Variants in DTNB observed in about 807,000 individuals in gnomAD.
DTNB encodes DTN-B.
A neutral mutation model predicts 90.7 loss-of-function variants in DTNB; 63 were observed. The ratio of observed to expected loss-of-function variants is 0.69; its 90% confidence interval spans 0.57 to 0.86. The LOEUF (loss-of-function observed/expected upper bound fraction) is 0.86. Among genes scored for constraint, DTNB ranks in the 40% least tolerant of loss-of-function variants. The pLI is 0.00. For missense variants in DTNB, 744 were observed against 807.1 expected (o/e 0.92, Z 0.95); for synonymous variants, 277 against 286.7 (o/e 0.97, Z 0.34).
At chr2:25,479,459 T>C (rs1416315167) in intron 10 of DTNB, among the ~76,000 whole-genome samples, 1 of 152,244 alleles carries the variant, frequency 6.6e-6, no homozygotes, top group Non-Finnish European at 1.5e-5. Flanking sequence ...ATGTACTATG[T>C]GGACGCTTTT....
chr2:25,454,799 A>G (rs1425520240), intron 11 of DTNB, among the ~76,000 whole-genome samples: 1 of 152,208 alleles, frequency 6.6e-6, no homozygotes, highest in Non-Finnish European at 1.5e-5. Flanking sequence ...GGTAAGGGGA[A>G]TGTGGAGCTA....
intron 3 of DTNB, among the ~76,000 whole-genome samples, chr2:25,631,923 A>G (rs2075835074): frequency 6.6e-6 from 1 of 152,164 alleles, no homozygotes; most frequent in East Asian, 1.9e-4. Context: ...GGCCGGGCAC[A>G]GTGGCTCAAG....
chr2:25,447,651 T>G (rs2058626823), intron 12 of DTNB, among the ~76,000 whole-genome samples: 1 of 151,800 alleles, frequency 6.6e-6, no homozygotes, highest in Non-Finnish European at 1.5e-5. Context: ...ATTACAGGCG[T>G]ATGCCACCAC....
At chr2:25,535,391 C>G (rs775516553) in intron 8 of DTNB, among the ~76,000 whole-genome samples, 1 of 137,228 alleles carries the variant, frequency 7.3e-6, no homozygotes, top group African/African-American at 2.9e-5. Context: ...GGAGGCCGCG[C>G]AGAGGTGCTC....
Position 25,652,623 on chromosome 2 carries a change from G to A in DTNB, c.38C>T (p.Ala13Val), listed in dbSNP as rs767699671. ...TTCTATGAACAGCTGCCTCTTCTCT[G>A]CCATGGTCTTCCGCTTGTTCCCACT... The part of the protein sequence containing the change: ...EESGNKRKTM[A>V]EKRQLFIEMR... The change falls in exon 2 of 21, where the codon GCA becomes GTA. Residue 13 changes from alanine to valine, a missense_variant. Coordinates refer to ENST00000406818, the MANE Select transcript of DTNB (RefSeq NM_021907.5). The A allele has an allele frequency of 3.7e-6, 6 of 1,611,614 alleles. No individual in the cohort carries two copies. The South Asian group carries it at 5.5e-5, about 15-fold the overall frequency.
chr2:25,486,362 G>T (rs1214589413), intron 9 of DTNB, among the ~76,000 whole-genome samples: 1 of 152,150 alleles, frequency 6.6e-6, no homozygotes, highest in African/African-American at 2.4e-5. Flanking sequence ...TACTCAGGAG[G>T]CTGGGGTGGG....
chr2:25,544,188 G>A (rs1025112192), intron 8 of DTNB, among the ~76,000 whole-genome samples: 3 of 152,174 alleles, frequency 2.0e-5, no homozygotes, highest in East Asian at 1.9e-4. Context: ...GTGGGGACAC[G>A]GTGTCCAACT....
chr2:25,578,760 C>G (rs577568456), intron 7 of DTNB, among the ~76,000 whole-genome samples: 1 of 152,260 alleles, frequency 6.6e-6, no homozygotes, highest in East Asian at 1.9e-4. Flanking sequence ...TATACCTACA[C>G]TTGGATTAGT....
chr2:25,419,572 A>T (rs780480932), intron 15 of DTNB, 37 bp from the exon 16 acceptor site: 30 of 1,550,768 alleles, frequency 1.9e-5, no homozygotes, highest in East Asian at 2.4e-5. Flanking sequence ...GGCAGAGGAA[A>T]AAAGGAGAGA....
intron 16 of DTNB, among the ~76,000 whole-genome samples, chr2:25,409,540 A>G (rs1193599102): frequency 2.6e-5 from 4 of 152,214 alleles, no homozygotes; most frequent in Non-Finnish European, 5.9e-5. Flanking sequence ...GAGTGACATT[A>G]TTTGACAGGA....
At chr2:25,490,169 A>G (rs1424231133) in intron 9 of DTNB, among the ~76,000 whole-genome samples, 1 of 152,080 alleles carries the variant, frequency 6.6e-6, no homozygotes, top group Non-Finnish European at 1.5e-5. Context: ...TCAGCTACTC[A>G]GGAGGCTGAG....
At chr2:25,560,638 C>T (rs2151191017) in intron 8 of DTNB, among the ~76,000 whole-genome samples, 2 of 152,334 alleles carry the variant, frequency 1.3e-5, no homozygotes, top group Middle Eastern at 6.8e-3. Context: ...GGGTCTCCAA[C>T]TTGCCAACTC....
intron 20 of DTNB, among the ~76,000 whole-genome samples, chr2:25,378,169 C>A (rs746969148): frequency 5.9e-5 from 9 of 152,150 alleles, no homozygotes; most frequent in Non-Finnish European, 1.0e-4. Flanking sequence ...CTCTGGCAGG[C>A]TCCTGCAGGG....
At chr2:25,552,787 T>C (rs1163204974) in intron 8 of DTNB, among the ~76,000 whole-genome samples, 3 of 151,726 alleles carry the variant, frequency 2.0e-5, no homozygotes, top group Non-Finnish European at 2.9e-5. Context: ...TTTCTTTTTA[T>C]ACAATTAAAG....
chr2:25,393,969 G>A (rs747018300), intron 16 of DTNB, among the ~76,000 whole-genome samples: 3 of 151,936 alleles, frequency 2.0e-5, no homozygotes, highest in Non-Finnish European at 2.9e-5. Flanking sequence ...TAAATCTGGA[G>A]GCATCACATT....
In DTNB at chr2:25,387,775, C is replaced by A. The variant is rs1280259637; in HGVS notation, c.1736-397G>T. Among the ~76,000 whole-genome samples the A allele has an allele frequency of 6.6e-6, 1 of 152,212 alleles. No homozygotes were observed. The highest frequency in any genetic ancestry group is 1.5e-5 in the Non-Finnish European group (1 of 68,040). ...CAGGACTTCCCTCTGAATCCCCACC[C>A]AACTACTTAATACTGCTGGTCACCA... On this transcript the variant is annotated intron_variant, in intron 17 of 20. Transcript: ENST00000406818. The surrounding 1 kb of genome is among the most constrained non-coding windows in gnomAD (Gnocchi z 4.5).
intron 9 of DTNB, among the ~76,000 whole-genome samples, chr2:25,507,759 T>TGA (rs1195253583): frequency 4.6e-5 from 7 of 152,188 alleles, no homozygotes; most frequent in Non-Finnish European, 2.9e-5. Flanking sequence ...AAACACATCC[T>TGA]CTTGTCACTT....
chr2:25,406,289 C>T (rs1364712508), intron 16 of DTNB, among the ~76,000 whole-genome samples: 1 of 152,072 alleles, frequency 6.6e-6, no homozygotes, highest in African/African-American at 2.4e-5. Flanking sequence ...GAGGCTACTA[C>T]TGGTGCTTAG....
chr2:25,460,027 C>G (rs1490486099), intron 10 of DTNB, among the ~76,000 whole-genome samples: 1 of 152,120 alleles, frequency 6.6e-6, no homozygotes. Flanking sequence ...AAAACAACTG[C>G]AATCTTCCAG....
Sources: allele counts gnomAD v4.1 joint callset (sites outside exome capture counted in the v4.1 genomes callset), GRCh38; gene constraint gnomAD v4.1.1; non-coding constraint Gnocchi (gnomAD v3.1); transcripts MANE v1.5; gene names NCBI Gene and HGNC (gene_info 2026-07-23, HGNC 2026-07-21).